Variants in PPP2R5C observed in about 807,000 individuals in gnomAD.
PPP2R5C encodes serine/threonine-protein phosphatase 2A 56 kDa regulatory subunit gamma isoform.
Under a neutral mutation model 68.9 loss-of-function variants are expected in PPP2R5C, and 7 were observed. That is an observed-to-expected ratio of 0.10 (90% confidence interval 0.06 to 0.19). PPP2R5C has a LOEUF of 0.19. Among genes scored for constraint, PPP2R5C ranks in the 10% least tolerant of loss-of-function variants. PPP2R5C has a pLI of 1.00. For synonymous variants in PPP2R5C, 210 were observed against 222.2 expected (o/e 0.95, Z 0.49); for missense variants, 348 against 641.3 (o/e 0.54, Z 4.94).
intron 10 of PPP2R5C, among the ~76,000 whole-genome samples, chr14:101,908,184 G>C (rs557565165): frequency 6.6e-6 from 1 of 152,146 alleles, no homozygotes; most frequent in African/African-American, 2.4e-5. Context: ...GTTAATATGC[G>C]TAAAGTACCT....
At chr14:101,872,582 G>A (rs779068936) in intron 2 of PPP2R5C, among the ~76,000 whole-genome samples, 10 of 152,092 alleles carry the variant, frequency 6.6e-5, no homozygotes, top group Non-Finnish European at 1.0e-4. Flanking sequence ...CGTGTCGACC[G>A]TTTTATCCTT....
chr14:101,762,593 G>T (rs1243388934), intron 1 of PPP2R5C, among the ~76,000 whole-genome samples: 1 of 152,134 alleles, frequency 6.6e-6, no homozygotes. Context: ...AGGGTTTAGG[G>T]TGGGAGGGTA....
At chr14:101,860,736 C>T (rs2042693217) in intron 2 of PPP2R5C, among the ~76,000 whole-genome samples, 1 of 152,114 alleles carries the variant, frequency 6.6e-6, no homozygotes, top group Non-Finnish European at 1.5e-5. Flanking sequence ...TGAAGTGTAC[C>T]TCATTGTGGT....
At chr14:101,788,192 A>G (rs1006487214) in intron 3 of PPP2R5C, among the ~76,000 whole-genome samples, 1 of 152,164 alleles carries the variant, frequency 6.6e-6, no homozygotes, top group East Asian at 1.9e-4. Context: ...TGGGGCTTGG[A>G]TCTGCCATGG....
At chr14:101,784,520 GA>G (rs1369631195) in intron 2 of PPP2R5C, among the ~76,000 whole-genome samples, 2 of 143,950 alleles carry the variant, frequency 1.4e-5, no homozygotes, top group African/African-American at 2.5e-5. Context: ...TGGGGGGGGG[GA>G]ACTGCCAAAC....
intron 2 of PPP2R5C, among the ~76,000 whole-genome samples, chr14:101,772,956 G>T (rs559123757): frequency 6.6e-6 from 1 of 152,296 alleles, no homozygotes; most frequent in East Asian, 1.9e-4. Context: ...TGTGGCAGAG[G>T]CTGGGCTCTG....
At chr14:101,923,106 G>A (rs1741141) in intron 13 of PPP2R5C, among the ~76,000 whole-genome samples, 2 of 152,084 alleles carry the variant, frequency 1.3e-5, no homozygotes, top group Non-Finnish European at 2.9e-5. Flanking sequence ...CTGCCAGGCC[G>A]TTCATCAGCC....
At chr14:101,863,498 T>C (rs2448246) in intron 2 of PPP2R5C, among the ~76,000 whole-genome samples, 21,757 of 152,126 alleles carry the variant, frequency 0.14, 2,709 homozygotes, top group African/African-American at 0.33. Context: ...TGCAACCGTT[T>C]TGAGGAGTTT....
chr14:101,810,170 G>T, intron 1 of PPP2R5C: 1 of 817,358 alleles, frequency 1.2e-6, no homozygotes, highest in Non-Finnish European at 1.9e-6. Context: ...CTTAACCAGA[G>T]GAGGTTGGGT....
At chr14:101,887,871 G>C (rs7157376) in intron 5 of PPP2R5C, among the ~76,000 whole-genome samples, 2,471 of 152,238 alleles carry the variant, frequency 0.016, 74 homozygotes, top group African/African-American at 0.057. Flanking sequence ...CCAGCTTAGT[G>C]TCTGGGGGGT....
intron 1 of PPP2R5C, among the ~76,000 whole-genome samples, chr14:101,828,924 C>T (rs1167406973): frequency 3.9e-5 from 6 of 152,162 alleles, no homozygotes; most frequent in Admixed American, 2.6e-4. Context: ...AGTGATCCAC[C>T]CGCCTCGGCT....
intron 1 of PPP2R5C, chr14:101,824,148 A>G (rs1381597100): frequency 1.6e-6 from 2 of 1,280,604 alleles, no homozygotes; most frequent in African/African-American, 3.0e-5. Flanking sequence ...TTTTAGACAT[A>G]GCTGGCAAGA....
intron 12 of PPP2R5C, chr14:101,912,733 T>A: frequency 1.7e-6 from 1 of 586,156 alleles, no homozygotes; most frequent in Non-Finnish European, 2.4e-6. Flanking sequence ...TATACTGTGG[T>A]AAAAAGAAAA....
intron 2 of PPP2R5C, among the ~76,000 whole-genome samples, chr14:101,763,825 C>T (rs542751049): frequency 1.7e-4 from 26 of 152,356 alleles, no homozygotes; most frequent in African/African-American, 6.0e-4. Flanking sequence ...TGCAAGCTGC[C>T]AGGCAACTCA....
intron 1 of PPP2R5C, among the ~76,000 whole-genome samples, chr14:101,813,415 A>C (rs2039482763): frequency 6.6e-6 from 1 of 152,258 alleles, no homozygotes; most frequent in South Asian, 2.1e-4. Flanking sequence ...ACCATAGTTC[A>C]CCAACTCTGT....
At chr14:101,880,655 A>G (rs2044104986) in intron 2 of PPP2R5C, among the ~76,000 whole-genome samples, 1 of 152,056 alleles carries the variant, frequency 6.6e-6, no homozygotes, top group Non-Finnish European at 1.5e-5. Flanking sequence ...AAATTAGCAG[A>G]GCATGGTGGT....
chr14:101,826,277 C>T (rs2040394165), intron 1 of PPP2R5C, among the ~76,000 whole-genome samples: 1 of 152,154 alleles, frequency 6.6e-6, no homozygotes, highest in Non-Finnish European at 1.5e-5. Flanking sequence ...TATGAATTCT[C>T]TTACATTTGG....
At chr14:101,895,288 G>A (rs2045242704) in intron 8 of PPP2R5C, among the ~76,000 whole-genome samples, 2 of 152,004 alleles carry the variant, frequency 1.3e-5, no homozygotes, top group South Asian at 2.1e-4. Flanking sequence ...TTTTTGATAC[G>A]TTACATTTTG....
chr14:101,831,810 CGTG>C, intron 1 of PPP2R5C: 2 of 700,084 alleles, frequency 2.9e-6, no homozygotes, highest in East Asian at 5.4e-5. Flanking sequence ...TTTGGGTAAG[CGTG>C]GTGGTCCTAG....
Sources: gnomAD v4.1 joint callset for allele counts (sites outside exome capture counted in the v4.1 genomes callset) on GRCh38, gnomAD v4.1.1 for gene constraint, MANE v1.5 for transcripts, NCBI Gene and HGNC (gene_info 2026-07-23, HGNC 2026-07-21) for gene names.